Variants in TMEM33 observed in about 807,000 individuals in gnomAD.
TMEM33 encodes the protein transmembrane protein 33.
Under a neutral mutation model 29.7 loss-of-function variants are expected in TMEM33, and 16 were observed. The ratio of observed to expected loss-of-function variants is 0.54; its 90% CI spans 0.36 to 0.82. The LOEUF (loss-of-function observed/expected upper bound fraction) is 0.82. TMEM33 is among the 40% of genes least tolerant of loss of function. The pLI is 0.00. For synonymous variants in TMEM33, 112 were observed against 109.4 expected (o/e 1.02, Z -0.15); for missense variants, 252 against 295.3 (o/e 0.85, Z 1.08).
At chr4:41,936,204 T>C (rs1373512936) in intron 1 of TMEM33, among the ~76,000 whole-genome samples, 1 of 152,204 alleles carries the variant, frequency 6.6e-6, no homozygotes, top group Non-Finnish European at 1.5e-5. Context: ...TCCATAATTG[T>C]CCTTTAAAGC....
At chr4:41,939,795 T>C (rs547451364) in intron 3 of TMEM33, 3 of 456,624 alleles carry the variant, frequency 6.6e-6, no homozygotes, top group Admixed American at 4.7e-5. Flanking sequence ...TAGATACAAA[T>C]GGAATTTAAC....
chr4:41,947,340 C>T (rs1308506249), intron 5 of TMEM33, among the ~76,000 whole-genome samples: 1 of 151,590 alleles, frequency 6.6e-6, no homozygotes, highest in African/African-American at 2.4e-5. Context: ...AAAATAATTT[C>T]TTATGCTCCT....
intron 6 of TMEM33, among the ~76,000 whole-genome samples, chr4:41,952,951 A>G (rs1192193127): frequency 5.3e-5 from 8 of 152,250 alleles, no homozygotes; most frequent in Non-Finnish European, 8.8e-5. Flanking sequence ...CTGTCCATGT[A>G]GTATATTTTT....
intron 6 of TMEM33, among the ~76,000 whole-genome samples, chr4:41,951,550 G>T (rs994249202): frequency 6.6e-6 from 1 of 152,190 alleles, no homozygotes; most frequent in African/African-American, 2.4e-5. Flanking sequence ...TAGTCCTCAT[G>T]TCTTCTAGCT....
intron 4 of TMEM33, 105 bp downstream of exon 4, chr4:41,943,919 T>A: frequency 1.1e-6 from 1 of 947,152 alleles, no homozygotes; most frequent in East Asian, 2.5e-5. Flanking sequence ...CTCTATACCT[T>A]ACAAACTTGT....
chr4:41,938,760 T>G (rs1712374495), intron 2 of TMEM33, 64 bp downstream of exon 2: 1 of 1,492,966 alleles, frequency 6.7e-7, no homozygotes, highest in Non-Finnish European at 9.3e-7. Context: ...ATGGAGTGCC[T>G]TTTAGGTGTA....
intron 6 of TMEM33, among the ~76,000 whole-genome samples, chr4:41,950,367 A>G (rs1036985870): frequency 2.0e-5 from 3 of 152,200 alleles, no homozygotes; most frequent in Non-Finnish European, 4.4e-5. Context: ...GTATATTTTC[A>G]TAAGTACAGT....
At chr4:41,939,580 T>A (rs1712417549) in intron 3 of TMEM33, 197 bp downstream of exon 3, 1 of 630,552 alleles carries the variant, frequency 1.6e-6, no homozygotes, top group East Asian at 3.0e-5. Context: ...GATTTAGGAA[T>A]TTTAAACTAT....
chr4:41,943,842 T>TC, intron 4 of TMEM33, 28 bp downstream of exon 4: 1 of 1,599,928 alleles, frequency 6.3e-7, no homozygotes, highest in Non-Finnish European at 8.6e-7. Flanking sequence ...TTGTCTGACT[T>TC]CTGAATTACA....
At position 41,958,045 on chromosome 4, in the gene TMEM33, C is replaced by T. The variant is rs1173013052; in HGVS notation, c.*3846C>T. Reference sequence around the variant, plus strand: ...TGTTTGTTTTTGAGACGGAGTTTCACTCTTGTTGGCCAGGCTGGAGTGCAA... The same window carrying T: ...TGTTTGTTTTTGAGACGGAGTTTCATTCTTGTTGGCCAGGCTGGAGTGCAA... On this transcript the variant is annotated 3_prime_UTR_variant, in exon 7 of 7. Transcript: ENST00000504986. The T allele has an allele frequency of 6.5e-6, 1 of 152,960 alleles. No individual in the cohort carries two copies. Among genetic ancestry groups the T allele is most frequent in the African/African-American group, 2.4e-5 (1 of 41,422 alleles). The allele number at this position is 152,960 out of a possible 1,614,324, so 9.5% of individuals were successfully genotyped here.
intron 3 of TMEM33, among the ~76,000 whole-genome samples, chr4:41,940,046 C>CCTTTTTTTTTTTTTTTTTTTTTTTTTTTT (rs1553910603): frequency 1.2e-5 from 1 of 81,366 alleles, no homozygotes; most frequent in East Asian, 3.7e-4. Flanking sequence ...GTTAAACTTT[C>CCTTTTTTTTTTTTTTTTTTTTTTTTTTTT]TTTTTTTTTT....
chr4:41,956,400 A>T lies in TMEM33; in HGVS notation c.*2201A>T, dbSNP rs1487193942. 1 of 152,192 alleles carries T rather than the reference A, an allele frequency of 6.6e-6. No individual in the cohort carries two copies. The highest frequency in any genetic ancestry group is 1.5e-5 in the Non-Finnish European group (1 of 68,050). 9.4% of individuals were successfully genotyped at this position (152,192 alleles called of 1,614,324 possible). A position where few individuals can be genotyped will look rare whatever the true frequency, so the allele number is the denominator to read the frequency against. Reference sequence around the variant, plus strand: ...CTAAAGTAAGATATTAGCCCAGAACAATACTACTAACTGAAGTATAAAACT... The same window carrying T: ...CTAAAGTAAGATATTAGCCCAGAACTATACTACTAACTGAAGTATAAAACT... On this transcript the variant is annotated 3_prime_UTR_variant, in exon 7 of 7. Transcript: ENST00000504986.
chr4:41,937,417 A>T (rs1396910494), intron 1 of TMEM33, among the ~76,000 whole-genome samples: 1 of 152,198 alleles, frequency 6.6e-6, no homozygotes, highest in Non-Finnish European at 1.5e-5. Flanking sequence ...AATTACCTAC[A>T]TGTGGGTTAA....
Position 41,939,068 on chromosome 4 carries a change from A to G in TMEM33, c.141-128A>G, listed in dbSNP as rs200398152. ...GTGAAGCTATTAAAACGGTAGAATA[A>G]GTTCATGTAATTTTTTTCTATTGAC... On this transcript the variant is annotated intron_variant, in intron 2 of 6. Transcript: ENST00000504986. 21 of 819,164 alleles carry G rather than the reference A, an allele frequency of 2.6e-5. No individual in the cohort carries two copies. In the East Asian group the frequency reaches 5.8e-4, roughly 23 times the overall value. 50.7% of individuals were successfully genotyped at this position (819,164 alleles called of 1,614,324 possible). A position where few individuals can be genotyped will look rare whatever the true frequency, so the allele number is the denominator to read the frequency against.
At chr4:41,947,628 A>G (rs1712853663) in intron 5 of TMEM33, among the ~76,000 whole-genome samples, 1 of 152,216 alleles carries the variant, frequency 6.6e-6, no homozygotes, top group Non-Finnish European at 1.5e-5. Context: ...AAATCAGCTT[A>G]TAAAGTGGTA....
chr4:41,950,544 C>T (rs550310103), intron 6 of TMEM33, among the ~76,000 whole-genome samples: 1 of 152,194 alleles, frequency 6.6e-6, no homozygotes, highest in South Asian at 2.1e-4. Context: ...AGTTCATTTT[C>T]ATTATTCTAT....
chr4:41,949,466 C>A, intron 6 of TMEM33, 81 bp downstream of exon 6: 2 of 1,150,900 alleles, frequency 1.7e-6, no homozygotes, highest in Non-Finnish European at 2.5e-6. Flanking sequence ...TTAAGAGTTA[C>A]TTAGCTAATG....
chr4:41,943,094 C>T (rs566462273), intron 3 of TMEM33, among the ~76,000 whole-genome samples: 232 of 152,250 alleles, frequency 1.5e-3, no homozygotes, highest in Non-Finnish European at 2.5e-4. Flanking sequence ...CCAAGAAAGC[C>T]GTTGTAGGGT....
At chr4:41,944,551 A>G (rs1159476733) in intron 4 of TMEM33, among the ~76,000 whole-genome samples, 1 of 152,224 alleles carries the variant, frequency 6.6e-6, no homozygotes, top group African/African-American at 2.4e-5. Context: ...TTCTTGAGAA[A>G]AAGCAGCTAA....
Sources: gnomAD v4.1 joint callset for allele counts (sites outside exome capture counted in the v4.1 genomes callset) on GRCh38, gnomAD v4.1.1 for gene constraint, MANE v1.5 for transcripts, NCBI Gene and HGNC (gene_info 2026-07-23, HGNC 2026-07-21) for gene names.